Variants in SVIL observed in about 807,000 individuals in gnomAD.
SVIL encodes supervillin.
Under a neutral mutation model 240.4 loss-of-function variants are expected in SVIL, and 101 were observed. The ratio of observed to expected loss-of-function variants is 0.42; its 90% confidence interval spans 0.36 to 0.50. The LOEUF is 0.50. Among genes scored for constraint, SVIL ranks in the 20% least tolerant of loss-of-function variants. The pLI is 0.01. For synonymous variants in SVIL, 999 were observed against 1,100.0 expected (o/e 0.91, Z 1.82); for missense variants, 2,512 against 2,818.7 (o/e 0.89, Z 2.46).
At chr10:29,654,473 G>A (rs1564738758) in intron 3 of SVIL, among the ~76,000 whole-genome samples, 2 of 152,170 alleles carry the variant, frequency 1.3e-5, no homozygotes, top group Non-Finnish European at 2.9e-5. Flanking sequence ...CCATCTGCAA[G>A]TAAAGATAGT....
chr10:29,660,618 C>A (rs1959129433), intron 2 of SVIL, among the ~76,000 whole-genome samples: 1 of 151,956 alleles, frequency 6.6e-6, no homozygotes, highest in African/African-American at 2.4e-5. Flanking sequence ...GGGGAACGGG[C>A]CAAGAGAATC....
chr10:29,687,420 G>A (rs1961157720), intron 1 of SVIL, among the ~76,000 whole-genome samples: 1 of 152,226 alleles, frequency 6.6e-6, no homozygotes, highest in Non-Finnish European at 1.5e-5. Flanking sequence ...GGCCAGGTGA[G>A]GTGGTTCATG....
At chr10:29,605,758 A>G (rs1267352473) in intron 1 of SVIL, among the ~76,000 whole-genome samples, 2 of 149,194 alleles carry the variant, frequency 1.3e-5, no homozygotes, top group African/African-American at 4.9e-5. Context: ...TTTTATATAA[A>G]TAAATGTATA....
intron 17 of SVIL, among the ~76,000 whole-genome samples, chr10:29,502,408 T>C (rs1948964434): frequency 6.6e-6 from 1 of 152,218 alleles, no homozygotes; most frequent in African/African-American, 2.4e-5. Context: ...ATTATTGTCT[T>C]GTTTTTTTCC....
chr10:29,605,935 G>A (rs1302807677), intron 1 of SVIL, among the ~76,000 whole-genome samples: 3 of 142,970 alleles, frequency 2.1e-5, no homozygotes, highest in East Asian at 1.9e-4. Flanking sequence ...TTTTGAGATG[G>A]AGTCTTGCTC....
intron 21 of SVIL, among the ~76,000 whole-genome samples, 153 bp downstream of exon 21, chr10:29,493,060 CA>C (rs1409449439): frequency 6.6e-6 from 1 of 152,152 alleles, no homozygotes; most frequent in African/African-American, 2.4e-5. Context: ...CTGGCTCCTG[CA>C]ACACCTTGCC....
chr10:29,500,581 A>G (rs866451497), intron 17 of SVIL, among the ~76,000 whole-genome samples: 1 of 151,994 alleles, frequency 6.6e-6, no homozygotes, highest in African/African-American at 2.4e-5. Context: ...AGCACTCCAC[A>G]CCTTCTTCTA....
chr10:29,723,056 T>C (rs1964082107), intron 1 of SVIL, among the ~76,000 whole-genome samples: 1 of 152,248 alleles, frequency 6.6e-6, no homozygotes, highest in Non-Finnish European at 1.5e-5. Context: ...CAGACTGCCC[T>C]GTACATAAAA....
intron 3 of SVIL, among the ~76,000 whole-genome samples, chr10:29,646,291 C>T (rs1407409906): frequency 3.9e-5 from 6 of 152,158 alleles, no homozygotes; most frequent in African/African-American, 1.4e-4. Context: ...TGGTTTACCT[C>T]CTTCTCAAAT....
At chr10:29,533,566 G>A in intron 7 of SVIL, 108 bp from the exon 8 acceptor site, 1 of 1,446,122 alleles carries the variant, frequency 6.9e-7, no homozygotes, top group Non-Finnish European at 9.1e-7. Context: ...ACCTGAGAGA[G>A]AATAACTTGT....
At chr10:29,716,440 C>T (rs1004282531) in intron 1 of SVIL, among the ~76,000 whole-genome samples, 1 of 151,844 alleles carries the variant, frequency 6.6e-6, no homozygotes, top group Non-Finnish European at 1.5e-5. Context: ...ACAATCAGAA[C>T]AGTCAAGAAA....
rs142251177 is a variant in SVIL at position 29,633,414 on chromosome 10, C to A, written c.-201+1006G>T. On this transcript the variant is annotated intron_variant, in intron 1 of 37. Transcript: ENST00000355867. Reference sequence around the variant, plus strand: ...CAGGGTAATGCTGTATGGGACTGTCCCCTACACCATGTAAATTGGGCATTT... The same window carrying A: ...CAGGGTAATGCTGTATGGGACTGTCACCTACACCATGTAAATTGGGCATTT... 4.5e-3 allele frequency among the ~76,000 whole-genome samples: 681 copies of A among 152,046 alleles called. 5 individuals carry two copies. The highest frequency in any genetic ancestry group is 7.8e-3 in the Admixed American group (119 of 15,256).
chr10:29,636,445 A>G (rs1958313706), upstream of SVIL, among the ~76,000 whole-genome samples: 1 of 152,246 alleles, frequency 6.6e-6, no homozygotes, highest in Non-Finnish European at 1.5e-5. Flanking sequence ...CAAAATAAAC[A>G]TCAGTCTTTT....
rs1964862614 is a variant in SVIL, at chr10:29,735,629, G to T, written c.-400+122C>A. On this transcript the variant is annotated intron_variant, in intron 1 of 35. Transcript: ENST00000375400. The surrounding 1 kb of genome is among the most constrained non-coding windows in gnomAD (Gnocchi z 4.1). ...GCTTCGGTCCCCGGCAGGGCCTCCCGCAGCCAGAGCGAGACTGACCCGCGC... is the reference window on the plus strand; with the variant it reads ...GCTTCGGTCCCCGGCAGGGCCTCCCTCAGCCAGAGCGAGACTGACCCGCGC... 6.6e-6 allele frequency: 1 copy of T among 151,598 alleles called. No homozygotes were observed. The highest frequency in any genetic ancestry group is 1.5e-5 in the Non-Finnish European group (1 of 67,868). 9.4% of individuals were successfully genotyped at this position (151,598 alleles called of 1,614,324 possible).
In SVIL at chr10:29,699,301, T is replaced by C. The variant is rs117474767; in HGVS notation, c.-399-12650A>G. On this transcript the variant is annotated intron_variant, in intron 1 of 35. Coordinates refer to the SVIL transcript ENST00000375400. ...GCATCACCATGACCACCTCTTTTTG[T>C]TTGCTTGTGTTTTGTTTTTTTGAGA... Among the ~76,000 whole-genome samples, 309 of 152,030 alleles carry C rather than the reference T, an allele frequency of 2.0e-3. 11 individuals carry two copies. The East Asian group carries it at 0.04, about 20-fold the overall frequency.
At chr10:29,671,868 T>C (rs752027602) in intron 2 of SVIL, among the ~76,000 whole-genome samples, 28 of 152,202 alleles carry the variant, frequency 1.8e-4, no homozygotes, top group Non-Finnish European at 2.8e-4. Context: ...ATATCTGGAT[T>C]CTCAGAGGTC....
intron 1 of SVIL, among the ~76,000 whole-genome samples, chr10:29,590,165 CAAAAAAAAAAAAAAAAAAAA>C (rs58469441): frequency 2.5e-5 from 2 of 79,668 alleles, no homozygotes; most frequent in Non-Finnish European, 4.4e-5. Flanking sequence ...GACTCCGTCT[CAAAAAAAAAAAAAAAAAAAA>C]AAAAAAAAAA....
At chr10:29,475,208 T>C (rs1946061348) in intron 29 of SVIL, 1 of 152,192 alleles carries the variant, frequency 6.6e-6, no homozygotes, top group Non-Finnish European at 1.5e-5. Flanking sequence ...ATTTTTAAAA[T>C]TTTGTAGAGA....
chr10:29,526,992 T>G lies in SVIL; in HGVS notation c.2311A>C (p.Thr771Pro), dbSNP rs758713170. Residue 771 changes from threonine to proline, a missense_variant, in exon 13 of 38, where the codon ACT becomes CCT. This residue lies in a region of SVIL where 1,443 missense variants were observed against 1,486.6 expected (regional missense o/e 0.97). Coordinates refer to ENST00000355867, the MANE Select transcript of SVIL (RefSeq NM_021738.3). ...GGCTGCACAGCGCTCCTAGCTACAG[T>G]GGGGCTAGGAAGTCTCGCCATTACA... ...HPVMARLPSP[T>P]VARSAVQPAR... 6.2e-7 allele frequency: 1 copy of G among 1,610,876 alleles called. No homozygotes were observed. Among genetic ancestry groups the G allele is most frequent in the African/African-American group, 1.3e-5 (1 of 74,702 alleles).
Sources: allele counts gnomAD v4.1 joint callset (sites outside exome capture counted in the v4.1 genomes callset), GRCh38; gene constraint gnomAD v4.1.1; regional missense constraint gnomAD v4.1.1; non-coding constraint Gnocchi (gnomAD v3.1); transcripts MANE v1.5; gene names NCBI Gene and HGNC (gene_info 2026-07-23, HGNC 2026-07-21).